PIEZO2: variants seen among roughly 807,000 people sequenced by gnomAD.
PIEZO2 encodes piezo-type mechanosensitive ion channel component 2.
Under a neutral mutation model 337.3 loss-of-function variants are expected in PIEZO2, and 172 were observed. The ratio of observed to expected loss-of-function variants is 0.51; its 90% CI spans 0.45 to 0.58. The LOEUF is 0.58. Among genes scored for constraint, PIEZO2 ranks in the 20% least tolerant of loss-of-function variants. The probability of loss-of-function intolerance (pLI) is 0.00; values close to 1 mark genes in which losing one functional copy is unlikely to be tolerated. For synonymous variants in PIEZO2, 1,251 were observed against 1,228.5 expected (o/e 1.02, Z -0.38); for missense variants, 3,028 against 3,391.3 (o/e 0.89, Z 2.66).
chr18:11,050,834 C>A (rs1267179398), intron 2 of PIEZO2, among the ~76,000 whole-genome samples: 2 of 145,968 alleles, frequency 1.4e-5, no homozygotes, highest in African/African-American at 5.1e-5. Context: ...AGTGTAAATG[C>A]AAGGAAATAT....
At chr18:11,065,268 T>C (rs527371873) in intron 2 of PIEZO2, among the ~76,000 whole-genome samples, 2 of 152,344 alleles carry the variant, frequency 1.3e-5, no homozygotes, top group African/African-American at 4.8e-5. Flanking sequence ...CAATGACCTT[T>C]CCCACACCAC....
At position 10,952,727 on chromosome 18, in the gene PIEZO2, G is replaced by C. The variant is rs2033353636; in HGVS notation, c.286+26808C>G. ...CCCAGTGGGATTCCTGGACTGAATA[G>C]TAAGTATATGGTCAAATTTATAATA... is the stretch of plus-strand genomic sequence containing the variant. On this transcript the variant is annotated intron_variant, in intron 3 of 55. Transcript: ENST00000674853. The surrounding 1 kb of genome is among the most constrained non-coding windows in gnomAD (Gnocchi z 4.1). Among the ~76,000 whole-genome samples, 1 of 152,178 alleles carries C rather than the reference G, an allele frequency of 6.6e-6. No homozygotes were observed. Among genetic ancestry groups the C allele is most frequent in the Non-Finnish European group, 1.5e-5 (1 of 68,024 alleles).
chr18:10,757,454 A>G (rs12605491), intron 27 of PIEZO2, among the ~76,000 whole-genome samples: 170 of 30,064 alleles, frequency 5.7e-3, no homozygotes, highest in East Asian at 0.012. Context: ...GGGTGGGGAT[A>G]AGAATGAGCT....
chr18:10,747,603 G>T (rs1420072354), intron 30 of PIEZO2, among the ~76,000 whole-genome samples: 1 of 152,156 alleles, frequency 6.6e-6, no homozygotes, highest in African/African-American at 2.4e-5. Flanking sequence ...GTGCCACAAG[G>T]CTCTTCTGAC....
rs1190579381 is a variant in PIEZO2, at chr18:10,784,829, G to A, written c.2447C>T (p.Thr816Ile). ...HYFHDRFLEL[T>I]DLKSIPSKED... is the part of the protein sequence containing the mutation. The stretch of plus-strand genomic sequence containing the variant: ...TTTGCTGGGAATGGACTTGAGGTCT[G>A]TGAGTTCAAGGAACCGGTCATGGAA... The change falls in exon 17 of 56, where the codon ACA (threonine) becomes ATA (isoleucine). Residue 816 changes from threonine (T) to isoleucine (I), a missense_variant. Thr to Ile is a moderately conservative substitution (Grantham distance 89). Around this residue, in one of 5 missense-constraint regions of PIEZO2, gnomAD observed 1,925 missense variants for 2,051.9 expected, o/e 0.94. Transcript: ENST00000674853. The surrounding 1 kb of genome is among the most constrained non-coding windows in gnomAD (Gnocchi z 4.5). 6.5e-7 allele frequency: 1 copy of A among 1,537,608 alleles called. No individual in the cohort carries two copies. Among genetic ancestry groups the A allele is most frequent in the African/African-American group, 1.4e-5 (1 of 73,032 alleles).
intron 2 of PIEZO2, among the ~76,000 whole-genome samples, chr18:10,985,731 G>T (rs8084479): frequency 0.022 from 3,308 of 151,682 alleles, 128 homozygotes; most frequent in African/African-American, 0.075. Context: ...ACCTGTAGTC[G>T]ATACACAAAA....
chr18:10,840,961 C>T (rs2041171714), intron 7 of PIEZO2, among the ~76,000 whole-genome samples: 1 of 152,162 alleles, frequency 6.6e-6, no homozygotes, highest in African/African-American at 2.4e-5. Flanking sequence ...ATGAGGAGAG[C>T]CATATGCAGT....
At chr18:11,045,295 C>CAAAAAAAAAAAAAA (rs58924653) in intron 2 of PIEZO2, among the ~76,000 whole-genome samples, 1 of 52,340 alleles carries the variant, frequency 1.9e-5, no homozygotes, top group African/African-American at 6.6e-5. Flanking sequence ...GACTCCGTCT[C>CAAAAAAAAAAAAAA]AAAAAAAAAA....
intron 24 of PIEZO2, 66 bp downstream of exon 24, chr18:10,760,845 G>T: frequency 7.4e-7 from 1 of 1,346,360 alleles, no homozygotes; most frequent in Non-Finnish European, 1.0e-6. Context: ...GTGGCCAATT[G>T]GCCAGAAGCA....
At chr18:10,829,002 G>A (rs1331563593) in intron 7 of PIEZO2, among the ~76,000 whole-genome samples, 6 of 152,070 alleles carry the variant, frequency 3.9e-5, no homozygotes, top group Non-Finnish European at 4.4e-5. Context: ...TAATTCAAGT[G>A]GTGGGCATTC....
At chr18:10,961,444 A>G (rs890500313) in intron 3 of PIEZO2, among the ~76,000 whole-genome samples, 2 of 152,176 alleles carry the variant, frequency 1.3e-5, no homozygotes, top group African/African-American at 2.4e-5. Context: ...ACAAAAGACT[A>G]CAAATATGGT....
chr18:10,756,034 G>A (rs1169212534), intron 27 of PIEZO2, among the ~76,000 whole-genome samples: 2 of 146,982 alleles, frequency 1.4e-5, no homozygotes, highest in South Asian at 2.2e-4. Context: ...TGGGGATAAG[G>A]AGGAGGGATG....
At chr18:10,832,460 G>A (rs1453827425) in intron 7 of PIEZO2, among the ~76,000 whole-genome samples, 4 of 152,116 alleles carry the variant, frequency 2.6e-5, no homozygotes, top group Admixed American at 1.3e-4. Context: ...ATGCTAATAC[G>A]AGAAACAAAG....
rs2036535562 is a variant in PIEZO2 at position 10,726,294 on chromosome 18, A to T, written c.5029+5113T>A. ...ATGAGAATGGAAGCGTCGCGGCCAG[A>T]GCCCCGGCCAGGTGGAGCAGGTGGG... On this transcript the variant is annotated intron_variant, in intron 36 of 55. Transcript: ENST00000674853. This position sits in a 1 kb window ranked among gnomAD's most constrained non-coding sequence, Gnocchi z 5.9. 7 of 1,007,042 alleles carry T rather than the reference A, an allele frequency of 7.0e-6. No individual in the cohort carries two copies. Among genetic ancestry groups the T allele is most frequent in the Non-Finnish European group, 1.0e-5 (7 of 679,548 alleles). The allele number at this position is 1,007,042 out of a possible 1,614,324, so 62.4% of individuals were successfully genotyped here.
Position 11,111,498 on chromosome 18 carries a change from T to G in PIEZO2, c.64+37027A>C, listed in dbSNP as rs1386019636. On this transcript the variant is annotated intron_variant, in intron 1 of 55. Transcript: ENST00000674853. The surrounding 1 kb of genome is among the most constrained non-coding windows in gnomAD (Gnocchi z 6.2). ...ATAGGCTGCCCCTTCTGGAGAAGCA[T>G]GCACCACCCAGTGGCCAGGGCCCTC... 6.6e-6 allele frequency among the ~76,000 whole-genome samples: 1 copy of G among 152,188 alleles called. No individual in the cohort carries two copies. The highest frequency in any genetic ancestry group is 1.5e-5 in the Non-Finnish European group (1 of 68,030).
chr18:11,057,823 C>T (rs1200222231), intron 2 of PIEZO2, among the ~76,000 whole-genome samples: 1 of 152,248 alleles, frequency 6.6e-6, no homozygotes, highest in Admixed American at 6.5e-5. Context: ...ACTGAGCCTA[C>T]AAGCATTTTT....
chr18:10,743,015 A>G (rs900881372), intron 31 of PIEZO2, among the ~76,000 whole-genome samples: 3 of 152,196 alleles, frequency 2.0e-5, no homozygotes, highest in African/African-American at 4.8e-5. Flanking sequence ...AAACAAATGG[A>G]AAGATTTAGC....
Position 10,797,468 on chromosome 18 carries a change from C to T in PIEZO2, c.1433G>A (p.Arg478His), listed in dbSNP as rs181395487. Residue 478 changes from arginine to histidine, a missense_variant, in exon 12 of 56, where the codon CGT (arginine) becomes CAT (histidine). Physicochemically the swap from Arg to His is conservative, Grantham distance 29. Transcript: ENST00000674853. ...AACTTTGATACTTCTTTTTTCCTCA[C>T]GGCTCCTTTCTTCTTCAAATTCTTC... ...EKEEFEEERS[R>H]EEKRSIKVHA... 12 of 1,537,100 alleles carry T rather than the reference C, an allele frequency of 7.8e-6. No homozygotes were observed. The highest frequency in any genetic ancestry group is 5.5e-5 in the African/African-American group (4 of 73,132).
intron 18 of PIEZO2, among the ~76,000 whole-genome samples, chr18:10,777,882 A>G (rs2144043255): frequency 6.6e-6 from 1 of 152,358 alleles, no homozygotes; most frequent in South Asian, 2.1e-4. Context: ...GTATTCACAT[A>G]TAGGCACTTG....
Sources: gnomAD v4.1 joint callset for allele counts (sites outside exome capture counted in the v4.1 genomes callset) on GRCh38, gnomAD v4.1.1 for gene constraint, gnomAD v4.1.1 regional missense constraint, Gnocchi (gnomAD v3.1) non-coding constraint, MANE v1.5 for transcripts, NCBI Gene and HGNC (gene_info 2026-07-23, HGNC 2026-07-21) for gene names.